RPH3AL: variants seen among roughly 807,000 people sequenced by gnomAD.
The protein encoded by RPH3AL is rabphilin 3A like (without C2 domains).
Under a neutral mutation model 43.1 loss-of-function variants are expected in RPH3AL, and 38 were observed. That is an observed-to-expected ratio of 0.88 (90% CI 0.68 to 1.15). RPH3AL has a LOEUF of 1.15. Ranked by LOEUF, RPH3AL falls within the 50% of genes most tolerant of loss-of-function variation. The pLI, the probability that RPH3AL is intolerant of heterozygous loss-of-function variation, is 0.00. For missense variants in RPH3AL, 462 were observed against 423.2 expected (o/e 1.09, Z -0.81); for synonymous variants, 189 against 176.3 (o/e 1.07, Z -0.57).
intron 5 of RPH3AL, among the ~76,000 whole-genome samples, chr17:318,337 C>A (rs2044358865): frequency 6.6e-6 from 1 of 152,144 alleles, no homozygotes; most frequent in Admixed American, 6.5e-5. Flanking sequence ...GCCAAGACTG[C>A]ACCATTTGCA....
chr17:322,987 G>A lies in RPH3AL; in HGVS notation c.78-1572C>T, dbSNP rs935575152. Among the ~76,000 whole-genome samples, 1 of 152,172 alleles carries A rather than the reference G, an allele frequency of 6.6e-6. No individual in the cohort carries two copies. Among genetic ancestry groups the A allele is most frequent in the Non-Finnish European group, 1.5e-5 (1 of 68,028 alleles). ...GATCTGTCTCTTTAAGGGATGCCAT[G>A]AGAATTAATGAGGCAGGGTAGATAA... On this transcript the variant is annotated intron_variant, in intron 3 of 9. Transcript: ENST00000331302. This position sits in a 1 kb window ranked among gnomAD's most constrained non-coding sequence, Gnocchi z 4.0.
chr17:220,261 T>A (rs147393128), intron 7 of RPH3AL, among the ~76,000 whole-genome samples: 1 of 108,158 alleles, frequency 9.2e-6, no homozygotes, highest in East Asian at 2.8e-4. Context: ...ACTGAGACAA[T>A]AGACCCAAGA....
At position 233,867 on chromosome 17, in the gene RPH3AL, CGGCT is replaced by C. The variant is rs1200550343; in HGVS notation, c.613+13240_613+13243del. 5.5e-4 allele frequency among the ~76,000 whole-genome samples: 60 copies of C among 108,884 alleles called. 2 individuals are homozygous for C. In the South Asian group the frequency reaches 0.02, roughly 36 times the overall value. The allele number at this position is 108,884 out of a possible 152,430, so 71.4% of individuals were successfully genotyped here. A position where few individuals can be genotyped will look rare whatever the true frequency, so the allele number is the denominator to read the frequency against. On this transcript the variant is annotated intron_variant, in intron 7 of 9. Coordinates refer to ENST00000331302, the MANE Select transcript of RPH3AL (RefSeq NM_006987.4). ...CTGACCAACTTCCCTGAGCAGGGAG[CGGCT>C]ACTTCCCCTGACCAACTTTCCCCCA... is the stretch of plus-strand genomic sequence containing the variant.
chr17:233,867 C>T (rs1361508788), intron 7 of RPH3AL, among the ~76,000 whole-genome samples: 1 of 108,790 alleles, frequency 9.2e-6, no homozygotes, highest in Non-Finnish European at 2.0e-5. Flanking sequence ...GAGCAGGGAG[C>T]GGCTACTTCC....
In RPH3AL at chr17:213,934, G is replaced by C; in HGVS notation, c.877-11C>G. On this transcript the variant is annotated splice_polypyrimidine_tract_variant and intron_variant, in intron 9 of 9. Coordinates refer to ENST00000331302, the MANE Select transcript of RPH3AL (RefSeq NM_006987.4). ...AGGTGTGTCTTTTACCTTTGGATGA[G>C]AGAAAAGGCCACCACATGGTGAGCA... The C allele has an allele frequency of 6.2e-7, 1 of 1,609,450 alleles. No homozygotes were observed. Among genetic ancestry groups the C allele is most frequent in the Non-Finnish European group, 8.5e-7 (1 of 1,177,050 alleles).
chr17:331,962 A>C lies in RPH3AL; in HGVS notation c.-37+1797T>G, dbSNP rs888961007. On this transcript the variant is annotated intron_variant, in intron 2 of 9. Transcript: ENST00000331302. Reference sequence around the variant, plus strand: ...GGAAAAGCAGGGAAGGCAAACCCCCAAATTCAGGAGGGAGGATGGAATTGG... The same window carrying C: ...GGAAAAGCAGGGAAGGCAAACCCCCCAATTCAGGAGGGAGGATGGAATTGG... The C allele has an allele frequency of 2.5e-5, 26 of 1,024,840 alleles. No homozygotes were observed. In the East Asian group the frequency reaches 1.6e-3, roughly 61 times the overall value. The allele number at this position is 1,024,840 out of a possible 1,614,324, so 63.5% of individuals were successfully genotyped here.
chr17:260,393 C>G (rs1463770409), intron 6 of RPH3AL, among the ~76,000 whole-genome samples: 3 of 152,204 alleles, frequency 2.0e-5, no homozygotes, highest in African/African-American at 7.2e-5. Flanking sequence ...AAGGGCAGGG[C>G]TGTGCCTGAG....
chr17:222,320 G>A (rs1451683290), intron 7 of RPH3AL, among the ~76,000 whole-genome samples: 1 of 152,262 alleles, frequency 6.6e-6, no homozygotes, highest in Non-Finnish European at 1.5e-5. Context: ...GGCTGGCTCC[G>A]TGGCTCCTGC....
At chr17:249,688 A>C (rs539751849) in intron 6 of RPH3AL, among the ~76,000 whole-genome samples, 1 of 152,294 alleles carries the variant, frequency 6.6e-6, no homozygotes, top group Admixed American at 6.5e-5. Context: ...AAAAAAAAAA[A>C]AAAAGGTTTC....
intron 6 of RPH3AL, among the ~76,000 whole-genome samples, chr17:251,047 T>C (rs1325082918): frequency 2.6e-5 from 4 of 152,250 alleles, no homozygotes; most frequent in Admixed American, 1.3e-4. Flanking sequence ...TGGGTCTGCA[T>C]GGACTCGGCA....
chr17:335,397 T>C (rs1312899533), intron 1 of RPH3AL, among the ~76,000 whole-genome samples: 1 of 151,982 alleles, frequency 6.6e-6, no homozygotes, highest in Non-Finnish European at 1.5e-5. Flanking sequence ...AGGGCTCAAG[T>C]GCATTTTCCA....
chr17:316,325 G>GA (rs2044178791), intron 5 of RPH3AL, among the ~76,000 whole-genome samples: 1 of 126,420 alleles, frequency 7.9e-6, no homozygotes, highest in African/African-American at 3.1e-5. Flanking sequence ...TAGTCCCTGT[G>GA]CTCCACCTCC....
chr17:275,004 G>C (rs947417805), intron 6 of RPH3AL, among the ~76,000 whole-genome samples: 1 of 152,138 alleles, frequency 6.6e-6, no homozygotes, highest in African/African-American at 2.4e-5. Flanking sequence ...GAGCAGACGT[G>C]GTCACGGAGA....
intron 1 of RPH3AL, among the ~76,000 whole-genome samples, chr17:346,452 A>C (rs932414745): frequency 1.5e-5 from 2 of 134,996 alleles, no homozygotes; most frequent in African/African-American, 5.1e-5. Flanking sequence ...CGTCTTACAT[A>C]AACGGCAGCA....
intron 5 of RPH3AL, among the ~76,000 whole-genome samples, chr17:308,845 C>T (rs950625716): frequency 6.6e-6 from 1 of 152,200 alleles, no homozygotes; most frequent in Admixed American, 6.5e-5. Flanking sequence ...CCTCCAGGAG[C>T]AGCTCTCTGT....
chr17:297,481 A>G (rs373671649), intron 5 of RPH3AL, among the ~76,000 whole-genome samples: 50 of 152,216 alleles, frequency 3.3e-4, no homozygotes, highest in African/African-American at 1.1e-3. Context: ...GTCCTGTGGG[A>G]TCTGATGCTA....
intron 2 of RPH3AL, chr17:331,807 C>T (rs1430060015): frequency 7.8e-7 from 1 of 1,289,178 alleles, no homozygotes; most frequent in Non-Finnish European, 1.0e-6. Context: ...AAGCAGGGTC[C>T]TGAAAACTCC....
At chr17:282,849 C>A (rs768988103) in intron 5 of RPH3AL, among the ~76,000 whole-genome samples, 2 of 152,184 alleles carry the variant, frequency 1.3e-5, no homozygotes, top group Non-Finnish European at 2.9e-5. Context: ...GAAAGTATTC[C>A]TGTATCTAAA....
intron 6 of RPH3AL, among the ~76,000 whole-genome samples, chr17:268,928 G>C (rs1052495339): frequency 8.6e-5 from 13 of 151,894 alleles, no homozygotes; most frequent in Non-Finnish European, 1.6e-4. Flanking sequence ...ACCCAGGCTG[G>C]AGTGCAGTGC....
Sources: gnomAD v4.1 joint callset for allele counts (sites outside exome capture counted in the v4.1 genomes callset) on GRCh38, gnomAD v4.1.1 for gene constraint, Gnocchi (gnomAD v3.1) non-coding constraint, MANE v1.5 for transcripts, NCBI Gene and HGNC (gene_info 2026-07-23, HGNC 2026-07-21) for gene names.